GSE1: variants seen among roughly 807,000 people sequenced by gnomAD.
GSE1 encodes the protein Gse1 coiled-coil protein.
A neutral mutation model predicts 112.6 loss-of-function variants in GSE1; 32 were observed. The observed-to-expected ratio is 0.28, with a 90% CI of 0.21 to 0.38. GSE1 has a LOEUF of 0.38. GSE1 is among the 10% of genes least tolerant of loss of function. GSE1 has a pLI of 1.00. For missense variants in GSE1, 2,348 were observed against 1,699.2 expected (o/e 1.38, Z -6.71); for synonymous variants, 1,115 against 735.6 (o/e 1.52, Z -8.35).
chr16:85,416,858 T>A (rs905981007), intron 2 of GSE1, among the ~76,000 whole-genome samples: 2 of 152,082 alleles, frequency 1.3e-5, no homozygotes, highest in African/African-American at 4.8e-5. Flanking sequence ...TTTGTTTGTT[T>A]GTTTTTTTGT....
chr16:85,529,602 C>G (rs1164602675), intron 2 of GSE1, among the ~76,000 whole-genome samples: 2 of 152,210 alleles, frequency 1.3e-5, no homozygotes, highest in African/African-American at 2.4e-5. Flanking sequence ...GCCCCCCACC[C>G]CCACTACGGG....
At chr16:85,581,676 G>A (rs927648679) in intron 1 of GSE1, among the ~76,000 whole-genome samples, 10 of 152,140 alleles carry the variant, frequency 6.6e-5, no homozygotes, top group Admixed American at 1.3e-4. Flanking sequence ...CAATCCGGCC[G>A]TCCTAAATGC....
At chr16:85,563,420 C>G (rs1942377635) in intron 1 of GSE1, among the ~76,000 whole-genome samples, 1 of 152,252 alleles carries the variant, frequency 6.6e-6, no homozygotes, top group Non-Finnish European at 1.5e-5. Flanking sequence ...ATGCCAGGCC[C>G]TCCGCAGCTG....
chr16:85,234,346 G>C (rs952735232), intron 1 of GSE1, among the ~76,000 whole-genome samples: 2 of 152,206 alleles, frequency 1.3e-5, no homozygotes, highest in African/African-American at 4.8e-5. Flanking sequence ...CTTGGTCTTG[G>C]TCTGTACAGT....
At chr16:85,446,618 A>G (rs1020003591) in intron 2 of GSE1, among the ~76,000 whole-genome samples, 2 of 152,036 alleles carry the variant, frequency 1.3e-5, no homozygotes, top group African/African-American at 2.4e-5. Context: ...CTCGACCCCT[A>G]TGGGGTGTGG....
intron 1 of GSE1, among the ~76,000 whole-genome samples, chr16:85,242,537 G>A (rs372261590): frequency 5.6e-4 from 86 of 152,358 alleles, no homozygotes; most frequent in African/African-American, 1.9e-3. Flanking sequence ...TGTGGACAGC[G>A]TTGTCACCAG....
At chr16:85,384,965 C>T (rs1259561860) in intron 2 of GSE1, among the ~76,000 whole-genome samples, 1 of 152,262 alleles carries the variant, frequency 6.6e-6, no homozygotes, top group Non-Finnish European at 1.5e-5. Context: ...GGTTAGCGTG[C>T]TGTGCACACC....
chr16:85,301,503 C>T (rs537445471), intron 1 of GSE1, among the ~76,000 whole-genome samples: 106 of 152,334 alleles, frequency 7.0e-4, no homozygotes, highest in South Asian at 1.9e-3. Flanking sequence ...CAGTGGCTGC[C>T]GGTTGGTGGA....
At chr16:85,611,585 T>A (rs2047986512), upstream of GSE1, 2 of 631,520 alleles carry the variant, frequency 3.2e-6, no homozygotes, top group Non-Finnish European at 3.9e-6. Context: ...CCCTTTTCGT[T>A]TGTGGTCTGC....
intron 2 of GSE1, among the ~76,000 whole-genome samples, chr16:85,410,618 A>T (rs76554277): frequency 6.1e-4 from 1 of 1,628 alleles, no homozygotes; most frequent in Admixed American, 5.7e-3. Context: ...TTACTGTTAC[A>T]CTCAGGCCCC....
At chr16:85,326,620 G>A (rs2046232698) in intron 1 of GSE1, among the ~76,000 whole-genome samples, 1 of 152,192 alleles carries the variant, frequency 6.6e-6, no homozygotes, top group South Asian at 2.1e-4. Context: ...ATGATTGTAA[G>A]TTTCCCGAGG....
intron 1 of GSE1, among the ~76,000 whole-genome samples, chr16:85,246,457 A>C (rs1189985981): frequency 1.3e-5 from 1 of 79,702 alleles, no homozygotes; most frequent in African/African-American, 5.4e-5. Context: ...ACACACACAC[A>C]CACCCCACAC....
At chr16:85,348,896 G>A in intron 1 of GSE1, among the ~76,000 whole-genome samples, 1 of 151,898 alleles carries the variant, frequency 6.6e-6, no homozygotes, top group Non-Finnish European at 1.5e-5. Flanking sequence ...GAGAGATGGG[G>A]GAGAGTCTGA....
chr16:85,369,522 G>A lies in GSE1; in HGVS notation c.2464+11879G>A, dbSNP rs149436740. ...GGATTACAGGCATGAGCCCCCACTT[G>A]CTCCTGTTCTCACATCTCCCACCAC... is the stretch of plus-strand genomic sequence containing the variant. On this transcript the variant is annotated intron_variant, in intron 2 of 2. Coordinates refer to the GSE1 transcript ENST00000637419. Among the ~76,000 whole-genome samples the A allele has an allele frequency of 3.0e-3, 449 of 152,142 alleles. 3 individuals are homozygous for A. The highest frequency in any genetic ancestry group is 6.8e-3 in the Middle Eastern group (2 of 292).
chr16:85,318,323 G>C (rs2046028675), intron 1 of GSE1, among the ~76,000 whole-genome samples: 1 of 152,240 alleles, frequency 6.6e-6, no homozygotes, highest in African/African-American at 2.4e-5. Context: ...TAGTGCACTG[G>C]TGCAGCTGTG....
At chr16:85,659,835 C>T (rs924801444) in intron 8 of GSE1, among the ~76,000 whole-genome samples, 1 of 152,240 alleles carries the variant, frequency 6.6e-6, no homozygotes, top group East Asian at 1.9e-4. Flanking sequence ...TCCCTCCCTG[C>T]CTCAGCAGGC....
At chr16:85,283,314 G>A (rs1235834405) in intron 1 of GSE1, 3 of 152,770 alleles carry the variant, frequency 2.0e-5, no homozygotes, top group Admixed American at 1.3e-4. Flanking sequence ...AACGCCCCAC[G>A]GGGCCCCTGT....
intron 1 of GSE1, among the ~76,000 whole-genome samples, chr16:85,565,157 C>T (rs916979800): frequency 2.0e-5 from 3 of 151,948 alleles, no homozygotes; most frequent in Admixed American, 6.6e-5. Context: ...TTTGGGAACC[C>T]GAGGCAGGTG....
chr16:85,460,493 A>G lies in GSE1; in HGVS notation c.2464+102850A>G, dbSNP rs553793829. 1.9e-4 allele frequency among the ~76,000 whole-genome samples: 29 copies of G among 152,368 alleles called. No homozygotes were observed. In the South Asian group the frequency reaches 4.1e-3, roughly 22 times the overall value. On this transcript the variant is annotated intron_variant, in intron 2 of 2. Transcript: ENST00000637419. ...ATCTGCTAGACAATGGGAAGAAAGC[A>G]CTTGGCAAAATGTAAGGTAGTTCAT... is the stretch of plus-strand genomic sequence containing the variant.
Sources: allele counts gnomAD v4.1 joint callset (sites outside exome capture counted in the v4.1 genomes callset), GRCh38; gene constraint gnomAD v4.1.1; transcripts MANE v1.5; gene names NCBI Gene and HGNC (gene_info 2026-07-23, HGNC 2026-07-21).